The following KLHL1 variants were observed in gnomAD, a reference collection of about 807,000 sequenced individuals.
The protein encoded by KLHL1 is kelch like family member 1, also known as kelch-like protein 1.
Under a neutral mutation model 77.7 loss-of-function variants are expected in KLHL1, and 47 were observed. That is an observed-to-expected ratio of 0.60 (90% CI 0.48 to 0.77). The LOEUF is 0.77. Among genes scored for constraint, KLHL1 ranks in the 30% least tolerant of loss-of-function variants. The pLI, the probability that KLHL1 is intolerant of heterozygous loss-of-function variation, is 0.00. For synonymous variants in KLHL1, 360 were observed against 325.2 expected, an observed-to-expected ratio of 1.11 and a Z score of -1.15; for missense variants, 925 against 910.8, an observed-to-expected ratio of 1.02 and a Z score of -0.20.
At chr13:69,821,639 C>T (rs945673128) in intron 6 of KLHL1, among the ~76,000 whole-genome samples, 1 of 151,980 alleles carries the variant, frequency 6.6e-6, no homozygotes, top group Non-Finnish European at 1.5e-5. Flanking sequence ...TTAAAGAGCT[C>T]TTCATTTTTA....
intron 7 of KLHL1, among the ~76,000 whole-genome samples, chr13:69,795,059 C>T (rs1441394696): frequency 1.3e-5 from 2 of 152,076 alleles, no homozygotes; most frequent in African/African-American, 4.8e-5. Context: ...TCCTATGATT[C>T]AACTGATCAT....
At chr13:69,798,718 G>T (rs971347158) in intron 6 of KLHL1, among the ~76,000 whole-genome samples, 1 of 151,944 alleles carries the variant, frequency 6.6e-6, no homozygotes, top group African/African-American at 2.4e-5. Context: ...AAGTCATCTG[G>T]ATTCTCAAAG....
intron 1 of KLHL1, among the ~76,000 whole-genome samples, chr13:70,089,752 A>T (rs932587623): frequency 2.6e-5 from 4 of 152,148 alleles, no homozygotes; most frequent in African/African-American, 9.6e-5. Flanking sequence ...ATATTTCACA[A>T]GAGACCATGT....
chr13:69,909,144 T>A (rs922494309), intron 4 of KLHL1, among the ~76,000 whole-genome samples: 5 of 150,754 alleles, frequency 3.3e-5, no homozygotes, highest in African/African-American at 1.2e-4. Flanking sequence ...GGAGAACAAA[T>A]AAGTGGATGC....
intron 3 of KLHL1, among the ~76,000 whole-genome samples, chr13:69,945,025 G>T (rs182199969): frequency 0.011 from 1,325 of 117,452 alleles, 23 homozygotes; most frequent in African/African-American, 0.041. Flanking sequence ...TCACTTTGTC[G>T]CCCAGGCTGG....
At chr13:69,783,445 G>A (rs1309055856) in intron 7 of KLHL1, among the ~76,000 whole-genome samples, 2 of 152,050 alleles carry the variant, frequency 1.3e-5, no homozygotes, top group Non-Finnish European at 2.9e-5. Flanking sequence ...TTAGACAAAT[G>A]GATAACTAGA....
intron 4 of KLHL1, among the ~76,000 whole-genome samples, chr13:69,921,458 A>C (rs1413515225): frequency 6.6e-6 from 1 of 152,142 alleles, no homozygotes; most frequent in Non-Finnish European, 1.5e-5. Context: ...ATTAATCCAG[A>C]CTTATAATTA....
chr13:69,814,184 C>A (rs1004800757), intron 6 of KLHL1, among the ~76,000 whole-genome samples: 1 of 152,108 alleles, frequency 6.6e-6, no homozygotes, highest in African/African-American at 2.4e-5. Flanking sequence ...GGAACACAGG[C>A]TTACCATACG....
At chr13:70,059,612 A>G (rs1886828628) in intron 1 of KLHL1, among the ~76,000 whole-genome samples, 1 of 152,220 alleles carries the variant, frequency 6.6e-6, no homozygotes, top group Non-Finnish European at 1.5e-5. Flanking sequence ...AGAATGGGAG[A>G]AAATATTTGC....
At chr13:69,916,648 A>T (rs1391146662) in intron 4 of KLHL1, among the ~76,000 whole-genome samples, 1 of 151,918 alleles carries the variant, frequency 6.6e-6, no homozygotes, top group African/African-American at 2.4e-5. Flanking sequence ...TTAAATGATG[A>T]GTTAGTCGGT....
rs549526579 is a variant in KLHL1, at chr13:69,889,872, C to T, written c.1015-7377G>A. ...ATAGAAAGGAACACATAAGTGTTAG[C>T]CATTACTATTCTGCATCTGACCCTA... On this transcript the variant is annotated intron_variant, in intron 4 of 10. Transcript: ENST00000377844. 3.9e-5 allele frequency among the ~76,000 whole-genome samples: 6 copies of T among 152,102 alleles called. No homozygotes were observed. The East Asian group carries it at 9.7e-4, about 24-fold the overall frequency.
intron 7 of KLHL1, among the ~76,000 whole-genome samples, chr13:69,752,943 G>T (rs1263142290): frequency 6.6e-6 from 1 of 152,186 alleles, no homozygotes; most frequent in Non-Finnish European, 1.5e-5. Flanking sequence ...TTTCTGGAGA[G>T]TGACTATGCA....
At chr13:70,023,002 T>G (rs1438258128) in intron 1 of KLHL1, among the ~76,000 whole-genome samples, 1 of 151,996 alleles carries the variant, frequency 6.6e-6, no homozygotes, top group Non-Finnish European at 1.5e-5. Context: ...GCATAACACA[T>G]GCATATCCTC....
At chr13:69,984,877 G>T (rs891817482) in intron 1 of KLHL1, among the ~76,000 whole-genome samples, 3 of 152,122 alleles carry the variant, frequency 2.0e-5, no homozygotes, top group African/African-American at 7.2e-5. Flanking sequence ...GGGAGGCCAA[G>T]GTGGGCGGAT....
At chr13:69,725,764 T>C (rs1873269991) in intron 8 of KLHL1, among the ~76,000 whole-genome samples, 2 of 152,162 alleles carry the variant, frequency 1.3e-5, no homozygotes, top group South Asian at 4.1e-4. Flanking sequence ...TTCACTGTCC[T>C]GTAAGGCATA....
At chr13:70,086,785 C>A in intron 1 of KLHL1, among the ~76,000 whole-genome samples, 1 of 149,958 alleles carries the variant, frequency 6.7e-6, no homozygotes, top group East Asian at 2.0e-4. Context: ...GAGTAGTATG[C>A]TAATATAGTT....
chr13:69,957,977 G>A (rs748860384), intron 3 of KLHL1, among the ~76,000 whole-genome samples: 2 of 151,532 alleles, frequency 1.3e-5, no homozygotes, highest in African/African-American at 2.4e-5. Context: ...TTATGTTGTC[G>A]TTTATTTTAA....
intron 1 of KLHL1, among the ~76,000 whole-genome samples, chr13:70,026,614 A>C (rs1450921333): frequency 6.6e-6 from 1 of 152,076 alleles, no homozygotes; most frequent in Non-Finnish European, 1.5e-5. Flanking sequence ...ACATATATTT[A>C]TAAGGCTACT....
intron 7 of KLHL1, among the ~76,000 whole-genome samples, chr13:69,756,788 T>C (rs1350665094): frequency 6.6e-6 from 1 of 152,124 alleles, no homozygotes; most frequent in African/African-American, 2.4e-5. Context: ...ACTAAATGTA[T>C]TAAATATCAG....
Sources: gnomAD v4.1 joint callset for allele counts (sites outside exome capture counted in the v4.1 genomes callset) on GRCh38, gnomAD v4.1.1 for gene constraint, MANE v1.5 for transcripts, NCBI Gene and HGNC (gene_info 2026-07-23, HGNC 2026-07-21) for gene names.